The following EPHA3 variants were observed in gnomAD, a reference collection of about 807,000 sequenced individuals.
EPHA3 encodes the protein ephrin type-A receptor 3.
EPHA3 carries 42 observed loss-of-function variants against 107.1 expected under a neutral mutation model. The ratio of observed to expected loss-of-function variants is 0.39; its 90% CI spans 0.31 to 0.51. EPHA3 has a LOEUF of 0.51. EPHA3 is among the 20% of genes least tolerant of loss of function. EPHA3 has a pLI of 0.78. For synonymous variants in EPHA3, 461 were observed against 424.8 expected (o/e 1.09, Z -1.05); for missense variants, 1,183 against 1,211.2 (o/e 0.98, Z 0.35).
intron 9 of EPHA3, among the ~76,000 whole-genome samples, chr3:89,410,439 A>G (rs1396833271): frequency 6.6e-6 from 1 of 151,986 alleles, no homozygotes; most frequent in Non-Finnish European, 1.5e-5. Flanking sequence ...AACTCATTTT[A>G]TAATCTTTGT....
At chr3:89,159,775 A>G (rs1417625379) in intron 2 of EPHA3, among the ~76,000 whole-genome samples, 1 of 152,092 alleles carries the variant, frequency 6.6e-6, no homozygotes, top group Non-Finnish European at 1.5e-5. Context: ...ACATTGTAGT[A>G]TATAGAAGTA....
At chr3:89,432,512 C>T (rs1469943336) in intron 13 of EPHA3, among the ~76,000 whole-genome samples, 1 of 152,054 alleles carries the variant, frequency 6.6e-6, no homozygotes, top group Non-Finnish European at 1.5e-5. Flanking sequence ...TCAAGTGATC[C>T]TCCCTCCTCA....
At chr3:89,440,797 C>T (rs1026081150) in intron 13 of EPHA3, among the ~76,000 whole-genome samples, 8 of 152,188 alleles carry the variant, frequency 5.3e-5, no homozygotes, top group African/African-American at 2.4e-5. Flanking sequence ...TTACCTGTAG[C>T]ACTTTATTCA....
At chr3:89,179,836 T>C (rs1414663518) in intron 2 of EPHA3, among the ~76,000 whole-genome samples, 1 of 151,948 alleles carries the variant, frequency 6.6e-6, no homozygotes, top group African/African-American at 2.4e-5. Flanking sequence ...TGCTTAGTGC[T>C]GCGGTTTGGT....
chr3:89,126,413 A>G (rs1284006851), intron 1 of EPHA3, among the ~76,000 whole-genome samples: 1 of 151,740 alleles, frequency 6.6e-6, no homozygotes, highest in Non-Finnish European at 1.5e-5. Flanking sequence ...AATATTCAGT[A>G]TGGAAAATAA....
intron 1 of EPHA3, among the ~76,000 whole-genome samples, chr3:89,118,305 A>C (rs1311443169): frequency 1.3e-5 from 2 of 151,914 alleles, no homozygotes; most frequent in Non-Finnish European, 2.9e-5. Context: ...GTTTTTTTCT[A>C]TATTTTCAGA....
intron 5 of EPHA3, among the ~76,000 whole-genome samples, chr3:89,360,943 C>G (rs1363447831): frequency 6.6e-6 from 1 of 150,834 alleles, no homozygotes; most frequent in African/African-American, 2.4e-5. Flanking sequence ...CTCATATGAA[C>G]AGATAGGTTT....
At chr3:89,406,676 G>A (rs1237599165) in intron 7 of EPHA3, among the ~76,000 whole-genome samples, 5 of 152,072 alleles carry the variant, frequency 3.3e-5, no homozygotes, top group African/African-American at 9.7e-5. Flanking sequence ...CTAAGCTCGT[G>A]AGCTGTACAA....
intron 2 of EPHA3, among the ~76,000 whole-genome samples, chr3:89,203,390 G>T (rs1350937778): frequency 6.6e-6 from 1 of 151,610 alleles, no homozygotes; most frequent in African/African-American, 2.4e-5. Context: ...AGACTTAAAG[G>T]TATGAGACAT....
rs142169768 is a variant in EPHA3 at position 89,191,343 on chromosome 3, G to A, written c.154-18517G>A. On this transcript the variant is annotated intron_variant, in intron 2 of 16. Transcript: ENST00000336596. ...TTTTTTTGAGACGGAGTCTCTCTGC[G>A]TCGCCCAGGCTGGAGTGCTGTGGCA... 3.5e-3 allele frequency among the ~76,000 whole-genome samples: 525 copies of A among 150,764 alleles called. 3 individuals carry two copies. The highest frequency in any genetic ancestry group is 0.012 in the African/African-American group (492 of 41,008).
At chr3:89,307,945 T>C (rs1219153312) in intron 3 of EPHA3, among the ~76,000 whole-genome samples, 4 of 152,196 alleles carry the variant, frequency 2.6e-5, no homozygotes, top group African/African-American at 9.6e-5. Flanking sequence ...TGGAATAAAA[T>C]GTAGCTGACA....
At chr3:89,402,735 G>A (rs1360406000) in intron 7 of EPHA3, among the ~76,000 whole-genome samples, 2 of 151,732 alleles carry the variant, frequency 1.3e-5, no homozygotes, top group African/African-American at 2.4e-5. Context: ...TTGCTCTGTC[G>A]CCCAGGTGGG....
rs67054298 is a variant in EPHA3, at chr3:89,136,330, C to CTTTTTT, written c.153+9076_153+9081dup. Among the ~76,000 whole-genome samples, 3 of 23,382 alleles carry CTTTTTT rather than the reference C, an allele frequency of 1.3e-4. 1 individual carries two copies. The highest frequency in any genetic ancestry group is 3.3e-4 in the African/African-American group (2 of 6,060). 15.3% of individuals were successfully genotyped at this position (23,382 alleles called of 152,430 possible). ...GAAAAACATGGCAAAATCTTACAGG[C>CTTTTTT]TTTTTTTTTTTTTTTTTTTTTTTTG... On this transcript the variant is annotated intron_variant, in intron 2 of 16. Transcript: ENST00000336596.
chr3:89,174,454 G>C (rs771746760), intron 2 of EPHA3, among the ~76,000 whole-genome samples: 2 of 151,936 alleles, frequency 1.3e-5, no homozygotes, highest in Non-Finnish European at 2.9e-5. Flanking sequence ...TTATCTGTTA[G>C]TAGATTGGGT....
chr3:89,316,770 G>C (rs1033500868), intron 3 of EPHA3, among the ~76,000 whole-genome samples: 16 of 151,412 alleles, frequency 1.1e-4, no homozygotes, highest in African/African-American at 3.9e-4. Context: ...AATAGGCATT[G>C]TTAAGATTTG....
At chr3:89,257,891 G>A (rs1705322181) in intron 3 of EPHA3, among the ~76,000 whole-genome samples, 1 of 151,936 alleles carries the variant, frequency 6.6e-6, no homozygotes, top group African/African-American at 2.4e-5. Context: ...TGGCCAACAT[G>A]GATGCTAAGT....
chr3:89,127,296 A>G (rs1704115518), intron 2 of EPHA3, 23 bp downstream of exon 2: 2 of 1,581,332 alleles, frequency 1.3e-6, no homozygotes, highest in Non-Finnish European at 1.7e-6. Context: ...AACTATCACA[A>G]GGAAACATTT....
intron 3 of EPHA3, among the ~76,000 whole-genome samples, chr3:89,213,275 A>G (rs1007824374): frequency 1.3e-5 from 2 of 152,028 alleles, no homozygotes; most frequent in Non-Finnish European, 1.5e-5. Flanking sequence ...TCTTAGAAAC[A>G]TCTTGCTTAG....
intron 5 of EPHA3, among the ~76,000 whole-genome samples, chr3:89,357,047 G>A (rs1707975013): frequency 7.8e-6 from 1 of 128,084 alleles, no homozygotes; most frequent in African/African-American, 2.8e-5. Context: ...GGTGTAGGTT[G>A]CAGTGAGCCG....
Sources: gnomAD v4.1 joint callset for allele counts (sites outside exome capture counted in the v4.1 genomes callset) on GRCh38, gnomAD v4.1.1 for gene constraint, MANE v1.5 for transcripts, NCBI Gene and HGNC (gene_info 2026-07-23, HGNC 2026-07-21) for gene names.